Variants in SPIDR observed in about 807,000 individuals in gnomAD.
The protein encoded by SPIDR is scaffold protein involved in DNA repair, also known as DNA repair-scaffolding protein.
Under a neutral mutation model 104.6 loss-of-function variants are expected in SPIDR, and 93 were observed. The ratio of observed to expected loss-of-function variants is 0.89; its 90% confidence interval spans 0.75 to 1.06. SPIDR has a LOEUF of 1.06. SPIDR is among the 50% of genes least tolerant of loss of function. The pLI is 0.00. For missense variants in SPIDR, 1,154 were observed against 1,111.2 expected, an observed-to-expected ratio of 1.04 and a Z score of -0.55; for synonymous variants, 431 against 416.9, an observed-to-expected ratio of 1.03 and a Z score of -0.41.
intron 8 of SPIDR, among the ~76,000 whole-genome samples, chr8:47,545,396 AAAAAG>A (rs1251552223): frequency 6.6e-6 from 1 of 151,962 alleles, no homozygotes; most frequent in African/African-American, 2.4e-5. Context: ...CTAAAATTAT[AAAAAG>A]TGTTGTTTTT....
chr8:47,456,026 T>C (rs2072898927), intron 8 of SPIDR, among the ~76,000 whole-genome samples: 1 of 152,162 alleles, frequency 6.6e-6, no homozygotes, highest in Admixed American at 6.6e-5. Flanking sequence ...AAACATTCCA[T>C]TCAAAAATAT....
intron 10 of SPIDR, among the ~76,000 whole-genome samples, chr8:47,630,462 G>C (rs1317291473): frequency 2.0e-5 from 3 of 152,132 alleles, no homozygotes; most frequent in Non-Finnish European, 4.4e-5. Flanking sequence ...AGTACTGAGT[G>C]GACAGAATAA....
chr8:47,412,770 C>T (rs2063718570), intron 7 of SPIDR, among the ~76,000 whole-genome samples: 1 of 152,182 alleles, frequency 6.6e-6, no homozygotes, highest in Non-Finnish European at 1.5e-5. Context: ...TTTAACCTCT[C>T]AAATGTGAAT....
At chr8:47,712,586 A>G (rs1035942017) in intron 14 of SPIDR, 76 bp from the exon 15 acceptor site, 4 of 1,439,400 alleles carry the variant, frequency 2.8e-6, no homozygotes, top group Non-Finnish European at 3.8e-6. Context: ...TAGTATATGT[A>G]TAACTTCTGC....
intron 11 of SPIDR, among the ~76,000 whole-genome samples, chr8:47,674,511 A>G (rs2076178942): frequency 6.6e-6 from 1 of 152,198 alleles, no homozygotes; most frequent in Admixed American, 6.5e-5. Flanking sequence ...GGGGAAAAAA[A>G]AAAGAAACAT....
intron 8 of SPIDR, among the ~76,000 whole-genome samples, chr8:47,489,748 G>A (rs567027475): frequency 4.9e-4 from 75 of 152,262 alleles, no homozygotes; most frequent in Admixed American, 2.0e-3. Context: ...ACAAGCAATG[G>A]GGAAAGGATT....
At chr8:47,674,468 C>G (rs968181804) in intron 11 of SPIDR, among the ~76,000 whole-genome samples, 1 of 151,752 alleles carries the variant, frequency 6.6e-6, no homozygotes, top group Non-Finnish European at 1.5e-5. Context: ...GTGCCTGTTA[C>G]ATCTCCAGTA....
intron 8 of SPIDR, among the ~76,000 whole-genome samples, chr8:47,561,836 CT>C (rs1430732227): frequency 6.6e-6 from 1 of 152,176 alleles, no homozygotes; most frequent in African/African-American, 2.4e-5. Flanking sequence ...CACATTATAT[CT>C]CGTACACTGA....
chr8:47,405,290 A>G (rs966965524), intron 6 of SPIDR, among the ~76,000 whole-genome samples: 57 of 125,902 alleles, frequency 4.5e-4, no homozygotes, highest in African/African-American at 2.0e-3. Context: ...CCAACATGGC[A>G]CGTGTGTGTG....
chr8:47,448,543 G>T (rs555629063), intron 8 of SPIDR, among the ~76,000 whole-genome samples: 2 of 152,256 alleles, frequency 1.3e-5, no homozygotes, highest in South Asian at 4.1e-4. Context: ...AGTTATAAAA[G>T]ACCACTGTAG....
intron 8 of SPIDR, among the ~76,000 whole-genome samples, chr8:47,517,073 C>T (rs2083279474): frequency 6.6e-6 from 1 of 152,086 alleles, no homozygotes; most frequent in Admixed American, 6.5e-5. Context: ...CAACCTCTGC[C>T]TCCCAGGTTC....
Position 47,632,738 on chromosome 8 carries a change from G to GT in SPIDR, c.1544+33549dup, listed in dbSNP as rs1357236574. 5.9e-5 allele frequency among the ~76,000 whole-genome samples: 9 copies of GT among 152,180 alleles called. No homozygotes were observed. In the East Asian group the frequency reaches 1.2e-3, roughly 20 times the overall value. ...TGTTTTTTGTCTTTTGTTTAGTCTT[G>GT]TTTTTTTGTTTTTTGTTTTTTTGAG... On this transcript the variant is annotated intron_variant, in intron 10 of 19. Transcript: ENST00000297423.
chr8:47,363,546 C>A (rs1049366085), intron 5 of SPIDR, among the ~76,000 whole-genome samples: 2 of 151,468 alleles, frequency 1.3e-5, no homozygotes, highest in Non-Finnish European at 2.9e-5. Flanking sequence ...TCAGACTCTT[C>A]ACTCTCCTAG....
chr8:47,485,813 CA>C (rs1345537724), intron 8 of SPIDR, among the ~76,000 whole-genome samples: 1 of 152,210 alleles, frequency 6.6e-6, no homozygotes, highest in Admixed American at 6.5e-5. Context: ...GGAAAACTAA[CA>C]AACAGCAAGG....
rs16925309 is a variant in SPIDR at position 47,356,530 on chromosome 8, G to A, written c.526-39846G>A. Among the ~76,000 whole-genome samples the A allele has an allele frequency of 5.0e-3, 762 of 152,320 alleles. 7 individuals carry two copies. Among genetic ancestry groups the A allele is most frequent in the African/African-American group, 0.017 (724 of 41,574 alleles). On this transcript the variant is annotated intron_variant, in intron 5 of 19. Coordinates refer to ENST00000297423, the MANE Select transcript of SPIDR (RefSeq NM_001080394.4). ...AGGAAAAATAGTTAAAGAAAGGAGTGTCTAATGATCACATGGCTTGGTCAT... is the reference window on the plus strand; with the variant it reads ...AGGAAAAATAGTTAAAGAAAGGAGTATCTAATGATCACATGGCTTGGTCAT...
chr8:47,510,183 A>G (rs1203881652), intron 8 of SPIDR, among the ~76,000 whole-genome samples: 1 of 152,214 alleles, frequency 6.6e-6, no homozygotes, highest in Admixed American at 6.5e-5. Flanking sequence ...CAACTCATGA[A>G]GGAATCTTCA....
intron 16 of SPIDR, among the ~76,000 whole-genome samples, chr8:47,720,494 T>C (rs1419400150): frequency 6.6e-6 from 1 of 152,212 alleles, no homozygotes; most frequent in Non-Finnish European, 1.5e-5. Context: ...GTGTTACTAG[T>C]GTTTTGGATT....
chr8:47,393,770 T>G (rs1242968029), intron 5 of SPIDR, among the ~76,000 whole-genome samples: 2 of 150,158 alleles, frequency 1.3e-5, no homozygotes, highest in Middle Eastern at 3.4e-3. Context: ...TTTCTGTCTT[T>G]CTTTTCTTTT....
At chr8:47,556,041 A>G (rs2154399439) in intron 8 of SPIDR, among the ~76,000 whole-genome samples, 1 of 152,346 alleles carries the variant, frequency 6.6e-6, no homozygotes, top group Admixed American at 6.5e-5. Flanking sequence ...GACCCTACAC[A>G]GATGCCCAAT....
Sources: allele counts gnomAD v4.1 joint callset (sites outside exome capture counted in the v4.1 genomes callset), GRCh38; gene constraint gnomAD v4.1.1; transcripts MANE v1.5; gene names NCBI Gene and HGNC (gene_info 2026-07-23, HGNC 2026-07-21).